Variants in UPF1 observed in about 807,000 individuals in gnomAD.
UPF1 encodes regulator of nonsense transcripts 1.
In UPF1, 9 loss-of-function variants were observed where a neutral mutation model predicts 129.2. The ratio of observed to expected loss-of-function variants is 0.07; its 90% CI spans 0.04 to 0.12. UPF1 has a LOEUF of 0.12. Among genes scored for constraint, UPF1 ranks in the 10% least tolerant of loss-of-function variants. The probability of loss-of-function intolerance (pLI) is 1.00; values close to 1 mark genes in which losing one functional copy is unlikely to be tolerated. For missense variants in UPF1, 788 were observed against 1,525.3 expected (o/e 0.52, Z 8.05); for synonymous variants, 649 against 644.9 (o/e 1.01, Z -0.10).
At position 18,850,641 on chromosome 19, in the gene UPF1, G is replaced by T. The variant is rs758550725; in HGVS notation, c.630-47G>T. 3 of 1,503,310 alleles carry T rather than the reference G, an allele frequency of 2.0e-6. No homozygotes were observed. The highest frequency in any genetic ancestry group is 2.6e-5 in the South Asian group (2 of 75,544). 93.1% of individuals were successfully genotyped at this position (1,503,310 alleles called of 1,614,324 possible). Reference sequence around the variant, plus strand: ...GGGAGGGGGCCCTCCCTGCTCCGGGGCTTCAGGGACGGGAGCTGGTCCTCA... The same window carrying T: ...GGGAGGGGGCCCTCCCTGCTCCGGGTCTTCAGGGACGGGAGCTGGTCCTCA... On this transcript the variant is annotated intron_variant, in intron 4 of 23. Transcript: ENST00000262803. This position sits in a 1 kb window ranked among gnomAD's most constrained non-coding sequence, Gnocchi z 7.1.
At chr19:18,863,932 G>A (rs143867788) in intron 19 of UPF1, among the ~76,000 whole-genome samples, 179 of 152,246 alleles carry the variant, frequency 1.2e-3, no homozygotes, top group African/African-American at 4.2e-3. Context: ...TAGTGAGGGG[G>A]TGTGAAGCTT....
At chr19:18,858,957 C>T (rs984005705) in intron 15 of UPF1, among the ~76,000 whole-genome samples, 1 of 152,208 alleles carries the variant, frequency 6.6e-6, no homozygotes, top group Non-Finnish European at 1.5e-5. Context: ...TCATGAACTC[C>T]AAACCTGTGA....
chr19:18,856,076 A>G lies in UPF1; in HGVS notation c.1696A>G (p.Arg566Gly). The G allele has an allele frequency of 6.2e-7, 1 of 1,614,008 alleles. No individual in the cohort carries two copies. The highest frequency in any genetic ancestry group is 8.5e-7 in the Non-Finnish European group (1 of 1,180,008). The change falls in exon 12 of 24, where the codon AGG becomes GGG. Residue 566 changes from arginine to glycine, a missense_variant. Coordinates refer to ENST00000262803, the MANE Select transcript of UPF1 (RefSeq NM_002911.4). ...TTTTCTGGCCCTGCACAACCAGATC[A>G]GGAACATGGACAGGTGTGTGTCGAG... ...VSFLALHNQIRNMDSMPELQK... is the reference protein window; with the variant it reads ...VSFLALHNQIGNMDSMPELQK...
rs928238083 is a variant in UPF1 at position 18,848,691 on chromosome 19, A to G, written c.461+858A>G. Among the ~76,000 whole-genome samples, 10 of 152,264 alleles carry G rather than the reference A, an allele frequency of 6.6e-5. No individual in the cohort carries two copies. In the East Asian group the frequency reaches 1.3e-3, roughly 21 times the overall value. On this transcript the variant is annotated intron_variant, in intron 3 of 23. Transcript: ENST00000262803. Reference sequence around the variant, plus strand: ...TCGGAGGGTTACAGATGGAGCAGTCAGATCTCGTGGCATCTCTGAGTTAGT... The same window carrying G: ...TCGGAGGGTTACAGATGGAGCAGTCGGATCTCGTGGCATCTCTGAGTTAGT...
intron 11 of UPF1, chr19:18,855,655 G>C (rs577076659): frequency 3.8e-6 from 2 of 526,878 alleles, no homozygotes; most frequent in East Asian, 6.8e-5. Context: ...TTTAAGGCCA[G>C]CCTGAACAGG....
chr19:18,860,078 C>A (rs1568281371), intron 15 of UPF1: 2 of 506,534 alleles, frequency 3.9e-6, no homozygotes, highest in African/African-American at 2.0e-5. Context: ...GTTCCCTGTT[C>A]AGGGGCTGAG....
At chr19:18,866,386 C>T (rs2055844824) in intron 23 of UPF1, 135 bp from the exon 24 acceptor site, 1 of 577,702 alleles carries the variant, frequency 1.7e-6, no homozygotes, top group African/African-American at 2.0e-5. Context: ...CTCCGGGGAC[C>T]ACCGCGGGAC....
rs754408525 is a variant in UPF1 at position 18,852,315 on chromosome 19, C to T, written c.972+19C>T. 8.1e-6 allele frequency: 13 copies of T among 1,610,418 alleles called. No individual in the cohort carries two copies. The highest frequency in any genetic ancestry group is 1.7e-5 in the Admixed American group (1 of 59,506). On this transcript the variant is annotated intron_variant, in intron 6 of 23. Coordinates refer to ENST00000262803, the MANE Select transcript of UPF1 (RefSeq NM_002911.4). ...GTCCCAGGTGATGTGTGCGAGAGGG[C>T]TTGGCCTGGGGTGGGCTCTGGCTCT...
At chr19:18,833,623 A>C (rs182650338) in intron 1 of UPF1, among the ~76,000 whole-genome samples, 82 of 151,268 alleles carry the variant, frequency 5.4e-4, no homozygotes, top group Non-Finnish European at 1.0e-3. Flanking sequence ...CACCCTCTGG[A>C]TTTCAGGTTG....
intron 13 of UPF1, 85 bp from the exon 14 acceptor site, chr19:18,856,792 G>C: frequency 6.7e-7 from 1 of 1,501,102 alleles, no homozygotes. Flanking sequence ...AAACAGGAGA[G>C]CTTCTGTGTT....
chr19:18,863,271 A>G, intron 18 of UPF1, 167 bp from the exon 19 acceptor site: 1 of 851,600 alleles, frequency 1.2e-6, no homozygotes, highest in Non-Finnish European at 1.8e-6. Flanking sequence ...GTGGCTTGGC[A>G]TTGGGCTTTG....
intron 1 of UPF1, among the ~76,000 whole-genome samples, chr19:18,844,222 A>C (rs2055574104): frequency 7.3e-6 from 1 of 137,340 alleles, no homozygotes; most frequent in African/African-American, 2.7e-5. Context: ...ATGACTAGGA[A>C]GTGGGAATTC....
intron 2 of UPF1, 84 bp from the exon 3 acceptor site, chr19:18,847,660 T>G: frequency 7.5e-7 from 1 of 1,328,580 alleles, no homozygotes; most frequent in South Asian, 1.2e-5. Flanking sequence ...AAAAATGTTG[T>G]CAGAGGAAAG....
At chr19:18,842,396 G>A (rs909827198) in intron 1 of UPF1, among the ~76,000 whole-genome samples, 10 of 152,114 alleles carry the variant, frequency 6.6e-5, no homozygotes, top group African/African-American at 2.2e-4. Context: ...CCCTGGGGCC[G>A]GCCACTCTGA....
In UPF1 at chr19:18,864,205, C is replaced by G; in HGVS notation, c.2811C>G (p.Ala937=). Residue 937 remains alanine, a synonymous_variant, in exon 20 of 24, where the codon GCC becomes GCG. Transcript: ENST00000262803. ...TCATGACCACAGCCATGTATGATGCCCGGGAGGCCATCATCCCAGGCTCCG... is the reference window on the plus strand; with the variant it reads ...TCATGACCACAGCCATGTATGATGCGCGGGAGGCCATCATCCCAGGCTCCG... ...ARFMTTAMYD[A]REAIIPGSVY... is the part of the protein sequence containing the mutation. The G allele has an allele frequency of 6.2e-7, 1 of 1,613,906 alleles. No homozygotes were observed. Among genetic ancestry groups the G allele is most frequent in the South Asian group, 1.1e-5 (1 of 91,066 alleles).
chr19:18,853,163 C>G lies in UPF1; in HGVS notation c.1058-89C>G. ...AGTAGCATAAATTCCTAGTTCCACC[C>G]TTGTAAAGTGCCCCTTAATTTGAAC... On this transcript the variant is annotated intron_variant, in intron 7 of 23. Transcript: ENST00000262803. The surrounding 1 kb of genome is among the most constrained non-coding windows in gnomAD (Gnocchi z 4.4). The G allele has an allele frequency of 6.3e-7, 1 of 1,595,932 alleles. No individual in the cohort carries two copies.
chr19:18,852,907 C>T (rs1448312924), intron 6 of UPF1, 80 bp from the exon 7 acceptor site: 2 of 1,225,896 alleles, frequency 1.6e-6, no homozygotes, highest in Non-Finnish European at 2.3e-6. Context: ...GGGCCCGCCT[C>T]ATGGGGCCTC....
chr19:18,857,108 G>T, intron 14 of UPF1, 88 bp downstream of exon 14: 1 of 1,549,134 alleles, frequency 6.5e-7, no homozygotes, highest in South Asian at 1.2e-5. Context: ...ATTGACGTAG[G>T]ATGCCCAGCA....
At chr19:18,855,613 G>C in intron 11 of UPF1, 1 of 493,860 alleles carries the variant, frequency 2.0e-6, no homozygotes, top group Non-Finnish European at 3.6e-6. Context: ...CTTCGGCATC[G>C]TGTCATTACT....
Sources: allele counts gnomAD v4.1 joint callset (sites outside exome capture counted in the v4.1 genomes callset), GRCh38; gene constraint gnomAD v4.1.1; non-coding constraint Gnocchi (gnomAD v3.1); transcripts MANE v1.5; gene names NCBI Gene and HGNC (gene_info 2026-07-23, HGNC 2026-07-21).